Variants in SUGCT observed in about 807,000 individuals in gnomAD.
SUGCT encodes succinyl-CoA:glutarate CoA-transferase.
SUGCT carries 41 observed loss-of-function variants against 55.0 expected under a neutral mutation model. The ratio of observed to expected loss-of-function variants is 0.74; its 90% confidence interval spans 0.58 to 0.97. The LOEUF (loss-of-function observed/expected upper bound fraction) is 0.97, where lower values mean the gene tolerates loss of function less well. Ranked by LOEUF, SUGCT falls within the 50% of genes least tolerant of loss-of-function variation. The pLI is 0.00. For missense variants in SUGCT, 568 were observed against 547.8 expected (o/e 1.04, Z -0.37); for synonymous variants, 187 against 200.4 (o/e 0.93, Z 0.56).
chr7:41,027,900 C>T, the SUGCT span, among the ~76,000 whole-genome samples: 27 of 152,322 alleles, frequency 1.8e-4, no homozygotes, highest in Admixed American at 1.6e-3. Context: ...CGAAACAGTA[C>T]AGATGTCATC....
chr7:40,593,586 A>C (rs959470275), intron 12 of SUGCT, among the ~76,000 whole-genome samples: 2 of 152,180 alleles, frequency 1.3e-5, no homozygotes, highest in African/African-American at 4.8e-5. Context: ...TATGCCTGTA[A>C]TCCCAGCACT....
At chr7:40,806,006 T>A (rs542054385) in intron 13 of SUGCT, among the ~76,000 whole-genome samples, 1 of 152,306 alleles carries the variant, frequency 6.6e-6, no homozygotes, top group South Asian at 2.1e-4. Context: ...GGGAATCTGC[T>A]GAGAAGGGAT....
chr7:40,493,996 C>A (rs1791838268), intron 11 of SUGCT, among the ~76,000 whole-genome samples: 1 of 152,194 alleles, frequency 6.6e-6, no homozygotes, highest in African/African-American at 2.4e-5. Context: ...GTGGTCACAA[C>A]TGCAGCTCCC....
At chr7:40,450,973 T>C (rs1301827204) in intron 10 of SUGCT, among the ~76,000 whole-genome samples, 1 of 152,096 alleles carries the variant, frequency 6.6e-6, no homozygotes, top group African/African-American at 2.4e-5. Flanking sequence ...GGCTGAAACA[T>C]CTGAGGTGGG....
At chr7:40,314,557 G>GTTTTTTTT (rs1795322851) in intron 8 of SUGCT, among the ~76,000 whole-genome samples, 1 of 73,198 alleles carries the variant, frequency 1.4e-5, no homozygotes, top group South Asian at 5.3e-4. Flanking sequence ...CATCCCTTGT[G>GTTTTTTTT]TCTTTTTTTT....
At chr7:40,220,783 A>G (rs986857792) in intron 6 of SUGCT, among the ~76,000 whole-genome samples, 1 of 152,192 alleles carries the variant, frequency 6.6e-6, no homozygotes, top group African/African-American at 2.4e-5. Context: ...TAGCCACAGA[A>G]AAATTCTGAA....
At chr7:40,766,746 C>G (rs1301261600) in intron 13 of SUGCT, among the ~76,000 whole-genome samples, 2 of 152,118 alleles carry the variant, frequency 1.3e-5, no homozygotes, top group Non-Finnish European at 2.9e-5. Context: ...TATAAGCAAT[C>G]CAATCCTATC....
intron 12 of SUGCT, among the ~76,000 whole-genome samples, chr7:40,641,521 C>T (rs1379350201): frequency 6.6e-6 from 1 of 152,108 alleles, no homozygotes; most frequent in Non-Finnish European, 1.5e-5. Flanking sequence ...TTAAGTATGG[C>T]TGGTTCTGTT....
chr7:40,644,972 CA>C (rs776749488), intron 12 of SUGCT, among the ~76,000 whole-genome samples: 3 of 152,146 alleles, frequency 2.0e-5, no homozygotes, highest in Non-Finnish European at 2.9e-5. Context: ...GTGCTTACAG[CA>C]TGATACATTT....
chr7:40,514,710 CAAAAAAAA>C (rs914527174), intron 12 of SUGCT, among the ~76,000 whole-genome samples: 1 of 13,868 alleles, frequency 7.2e-5, no homozygotes, highest in Non-Finnish European at 1.6e-4. Flanking sequence ...AACTCCGTCT[CAAAAAAAA>C]AAAAAAAAAA....
At chr7:40,541,336 G>A (rs1222564907) in intron 12 of SUGCT, among the ~76,000 whole-genome samples, 5 of 152,174 alleles carry the variant, frequency 3.3e-5, no homozygotes, top group Admixed American at 6.6e-5. Context: ...GCATAATGGC[G>A]CAGACATTCT....
intron 12 of SUGCT, among the ~76,000 whole-genome samples, chr7:40,699,188 A>T (rs958906685): frequency 2.6e-5 from 4 of 152,204 alleles, no homozygotes; most frequent in Non-Finnish European, 4.4e-5. Flanking sequence ...ATATGGCAAC[A>T]TGTCCTCAGG....
At chr7:40,651,658 TTTGA>T (rs1480274022) in intron 12 of SUGCT, among the ~76,000 whole-genome samples, 2 of 152,190 alleles carry the variant, frequency 1.3e-5, no homozygotes, top group African/African-American at 4.8e-5. Context: ...ATCTTTTATC[TTTGA>T]TTGTTGCTAC....
chr7:40,339,528 C>T (rs191596126), intron 9 of SUGCT, among the ~76,000 whole-genome samples: 289 of 152,294 alleles, frequency 1.9e-3, no homozygotes, highest in Non-Finnish European at 3.1e-3. Flanking sequence ...GCTCCATGGG[C>T]GTGGGACCCT....
At chr7:40,196,988 C>G (rs557583128) in intron 6 of SUGCT, among the ~76,000 whole-genome samples, 1 of 152,060 alleles carries the variant, frequency 6.6e-6, no homozygotes, top group African/African-American at 2.4e-5. Context: ...GCATGTACCA[C>G]CTTGCCTGGC....
chr7:40,309,789 C>T (rs76234809), intron 8 of SUGCT, among the ~76,000 whole-genome samples: 1 of 151,324 alleles, frequency 6.6e-6, no homozygotes, highest in Admixed American at 6.6e-5. Context: ...GCCCACACAG[C>T]GAGAGGGACA....
At chr7:40,476,016 G>T (rs1032213405) in intron 11 of SUGCT, among the ~76,000 whole-genome samples, 2 of 152,082 alleles carry the variant, frequency 1.3e-5, no homozygotes, top group Non-Finnish European at 2.9e-5. Context: ...TAAGAGCATG[G>T]ATTCTGGGGC....
chr7:40,726,033 C>A (rs997821951), intron 12 of SUGCT, among the ~76,000 whole-genome samples: 2 of 152,050 alleles, frequency 1.3e-5, no homozygotes, highest in East Asian at 3.9e-4. Context: ...CACCAGGCTG[C>A]CCCAAGTCGG....
chr7:40,640,428 A>G (rs1296428475), intron 12 of SUGCT, among the ~76,000 whole-genome samples: 1 of 151,988 alleles, frequency 6.6e-6, no homozygotes, highest in Non-Finnish European at 1.5e-5. Context: ...TGGCTAATTC[A>G]ACAAGCATTC....
Sources: allele counts gnomAD v4.1 joint callset (sites outside exome capture counted in the v4.1 genomes callset), GRCh38; gene constraint gnomAD v4.1.1; transcripts MANE v1.5; gene names NCBI Gene and HGNC (gene_info 2026-07-23, HGNC 2026-07-21).